The following ERG variants were observed in gnomAD, a reference collection of about 807,000 sequenced individuals.
ERG encodes the protein transcriptional regulator ERG.
A neutral mutation model predicts 55.3 loss-of-function variants in ERG; 9 were observed. The observed-to-expected ratio is 0.16, with a 90% CI of 0.10 to 0.28. The LOEUF (loss-of-function observed/expected upper bound fraction) is 0.28, where lower values mean the gene tolerates loss of function less well. Ranked by LOEUF, ERG falls within the 10% of genes least tolerant of loss-of-function variation. ERG has a pLI of 1.00. For synonymous variants in ERG, 223 were observed against 237.3 expected (o/e 0.94, Z 0.55); for missense variants, 434 against 631.6 (o/e 0.69, Z 3.35).
intron 1 of ERG, among the ~76,000 whole-genome samples, chr21:38,622,869 A>G (rs1482722258): frequency 6.6e-6 from 1 of 150,602 alleles, no homozygotes; most frequent in East Asian, 2.0e-4. Context: ...CACACCACAC[A>G]TACTACATGA....
intron 1 of ERG, among the ~76,000 whole-genome samples, chr21:38,638,528 C>G (rs551761661): frequency 6.6e-6 from 1 of 152,054 alleles, no homozygotes; most frequent in Admixed American, 6.5e-5. Flanking sequence ...AGTAGAAATT[C>G]AAATGGACAA....
rs531318061 is a variant in ERG, at chr21:38,579,626, T to A, written c.-126-3879A>T. Among the ~76,000 whole-genome samples the A allele has an allele frequency of 7.6e-4, 115 of 152,196 alleles. 1 individual carries two copies. The highest frequency in any genetic ancestry group is 2.4e-3 in the African/African-American group (100 of 41,554). On this transcript the variant is annotated intron_variant, in intron 1 of 8. Coordinates refer to the ERG transcript ENST00000398897. Reference sequence around the variant, plus strand: ...CTAAGTTTCTCCCAGCTCTGCCACATTAGAGACCAAGGGCGTATGAGCTTC... The same window carrying A: ...CTAAGTTTCTCCCAGCTCTGCCACAATAGAGACCAAGGGCGTATGAGCTTC...
chr21:38,621,930 A>G (rs1330688938), intron 1 of ERG, among the ~76,000 whole-genome samples: 1 of 152,212 alleles, frequency 6.6e-6, no homozygotes. Flanking sequence ...CTGAGTACAC[A>G]AGGTGCGAAG....
intron 2 of ERG, among the ~76,000 whole-genome samples, chr21:38,558,775 T>A (rs2059873993): frequency 1.3e-5 from 2 of 152,072 alleles, no homozygotes; most frequent in Admixed American, 1.3e-4. Context: ...GAAGAGTAAA[T>A]GATTTCCACA....
intron 9 of ERG, among the ~76,000 whole-genome samples, chr21:38,387,420 T>C (rs1172712977): frequency 2.0e-5 from 3 of 152,212 alleles, no homozygotes; most frequent in African/African-American, 7.2e-5. Context: ...CAGGAAAGCA[T>C]GGTGGTAGGG....
rs566824919 is a variant in ERG, at chr21:38,429,163, CG to C, written c.237-5603del. Among the ~76,000 whole-genome samples, 3 of 152,154 alleles carry C rather than the reference CG, an allele frequency of 2.0e-5. No individual in the cohort carries two copies. In the South Asian group the frequency reaches 6.2e-4, roughly 32 times the overall value. ...TTGGTTTTCCATTCCTGAGTTACTT[CG>C]GTTAGAATAATGGTCTCCAACTCCA... On this transcript the variant is annotated intron_variant, in intron 2 of 9. Coordinates refer to ENST00000288319, the MANE Select transcript of ERG (RefSeq NM_182918.4).
At chr21:38,593,889 T>C (rs1039891671) in intron 1 of ERG, among the ~76,000 whole-genome samples, 1 of 152,134 alleles carries the variant, frequency 6.6e-6, no homozygotes, top group Non-Finnish European at 1.5e-5. Context: ...GAGGCAGATA[T>C]AGTATAGAGA....
intron 2 of ERG, among the ~76,000 whole-genome samples, chr21:38,443,038 A>C (rs1333908859): frequency 6.6e-6 from 1 of 152,096 alleles, no homozygotes; most frequent in East Asian, 1.9e-4. Flanking sequence ...CGATCTCTTG[A>C]CCTCGTGATC....
At chr21:38,634,642 T>C (rs549162069) in intron 1 of ERG, among the ~76,000 whole-genome samples, 1 of 152,338 alleles carries the variant, frequency 6.6e-6, no homozygotes, top group African/African-American at 2.4e-5. Context: ...ACTACTGACT[T>C]CCATGTTGCC....
chr21:38,523,484 T>C (rs946428832), intron 2 of ERG, among the ~76,000 whole-genome samples: 3 of 152,164 alleles, frequency 2.0e-5, no homozygotes, highest in African/African-American at 7.2e-5. Flanking sequence ...CAATCCTTTA[T>C]CCAAAGTCAG....
At chr21:38,516,679 C>T (rs1412506020) in intron 2 of ERG, among the ~76,000 whole-genome samples, 1 of 151,938 alleles carries the variant, frequency 6.6e-6, no homozygotes, top group Non-Finnish European at 1.5e-5. Context: ...ACAAAAACAA[C>T]AAAACTGGGA....
chr21:38,553,864 A>T (rs2059840601), intron 2 of ERG, among the ~76,000 whole-genome samples: 1 of 136,652 alleles, frequency 7.3e-6, no homozygotes, highest in South Asian at 2.4e-4. Context: ...TCTGCACAGC[A>T]AAAGAAACTA....
chr21:38,546,389 C>T (rs563801769), intron 2 of ERG, among the ~76,000 whole-genome samples: 290 of 152,256 alleles, frequency 1.9e-3, no homozygotes, highest in Non-Finnish European at 2.6e-3. Flanking sequence ...CACTCTAGCA[C>T]GCCCACTCCA....
chr21:38,657,823 T>A (rs1413135908), intron 1 of ERG, among the ~76,000 whole-genome samples: 1 of 152,116 alleles, frequency 6.6e-6, no homozygotes, highest in African/African-American at 2.4e-5. Flanking sequence ...GAGAATGCTA[T>A]CATGCAAGGA....
chr21:38,444,146 T>C (rs947634680), intron 2 of ERG, among the ~76,000 whole-genome samples: 1 of 152,204 alleles, frequency 6.6e-6, no homozygotes, highest in African/African-American at 2.4e-5. Flanking sequence ...TTATAAACTA[T>C]GACACTTATA....
intron 2 of ERG, among the ~76,000 whole-genome samples, chr21:38,572,293 A>G (rs936172939): frequency 1.3e-5 from 2 of 149,912 alleles, no homozygotes; most frequent in Non-Finnish European, 3.0e-5. Flanking sequence ...GCGGGAACCC[A>G]GGAGGCAGAG....
chr21:38,491,536 G>GT (rs1223030632), intron 1 of ERG, among the ~76,000 whole-genome samples: 5 of 152,222 alleles, frequency 3.3e-5, no homozygotes, highest in Non-Finnish European at 7.3e-5. Flanking sequence ...CGTGTTTAAA[G>GT]TAACAGCCCT....
intron 2 of ERG, among the ~76,000 whole-genome samples, chr21:38,574,928 C>T (rs1376110303): frequency 1.3e-5 from 2 of 152,174 alleles, no homozygotes; most frequent in Admixed American, 1.3e-4. Context: ...TTTCTGCAGT[C>T]TTTATTTTTG....
At chr21:38,424,917 A>G (rs1222925729) in intron 2 of ERG, among the ~76,000 whole-genome samples, 1 of 152,174 alleles carries the variant, frequency 6.6e-6, no homozygotes, top group African/African-American at 2.4e-5. Flanking sequence ...GCTACTGACT[A>G]CTGACCGTGG....
Sources: gnomAD v4.1 joint callset for allele counts (sites outside exome capture counted in the v4.1 genomes callset) on GRCh38, gnomAD v4.1.1 for gene constraint, MANE v1.5 for transcripts, NCBI Gene and HGNC (gene_info 2026-07-23, HGNC 2026-07-21) for gene names.